EIF5B: variants seen among roughly 807,000 people sequenced by gnomAD.
The protein encoded by EIF5B is eukaryotic translation initiation factor 5B.
A neutral mutation model predicts 147.5 loss-of-function variants in EIF5B; 47 were observed. That is an observed-to-expected ratio of 0.32 (90% CI 0.25 to 0.41). The LOEUF (loss-of-function observed/expected upper bound fraction) is 0.41, where lower values mean the gene tolerates loss of function less well. Ranked by LOEUF, EIF5B falls within the 10% of genes least tolerant of loss-of-function variation. EIF5B has a pLI of 1.00. For synonymous variants in EIF5B, 455 were observed against 456.2 expected, an observed-to-expected ratio of 1.00 and a Z score of 0.03; for missense variants, 1,064 against 1,413.2, an observed-to-expected ratio of 0.75 and a Z score of 3.96.
chr2:99,363,676 T>C lies in EIF5B; in HGVS notation c.951T>C (p.Asp317=). Residue 317 remains aspartate, a synonymous_variant, in exon 5 of 24, where the codon GAT becomes GAC. Coordinates refer to ENST00000289371, the MANE Select transcript of EIF5B (RefSeq NM_015904.4). ...ATGAAGGAGACAAAAAGAAGAAAGA[T>C]AAGAAGAAAAAGAAAGGAGAAAAGG... ...DDNEGDKKKK[D]KKKKKGEKEE... The C allele has an allele frequency of 1.9e-6, 3 of 1,582,610 alleles. No homozygotes were observed. Among genetic ancestry groups the C allele is most frequent in the Middle Eastern group, 1.7e-4 (1 of 5,852 alleles).
In EIF5B at chr2:99,376,428, A is replaced by G. The variant is rs201864125; in HGVS notation, c.1634A>G (p.Glu545Gly). ...GAGGAAGAAGAGGAAGAAGAAGATGAAGAAAGTGAAGAAGAGGAGGAAGAG... is the reference window on the plus strand; with the variant it reads ...GAGGAAGAAGAGGAAGAAGAAGATGGAGAAAGTGAAGAAGAGGAGGAAGAG... Reference protein sequence around the residue: ...EEEEEEEEEDEESEEEEEEEG... With the variant: ...EEEEEEEEEDGESEEEEEEEG... The change falls in exon 10 of 24, where the codon GAA becomes GGA. Residue 545 changes from glutamate (E) to glycine (G), a missense_variant. Transcript: ENST00000289371. The G allele has an allele frequency of 1.9e-3, 2,928 of 1,578,174 alleles. No homozygotes were observed. Among genetic ancestry groups the G allele is most frequent in the Non-Finnish European group, 2.4e-3 (2,776 of 1,149,674 alleles).
rs750690880 is a variant in EIF5B at position 99,342,944 on chromosome 2, TTTTC to T, written c.35+5379_35+5382del. Reference sequence around the variant, plus strand: ...CCACTGTGCCTGGCCTGGGTTGTCTTTTTCTTTCTTTCTTTCTTTCTTTCTTTTT... The same window carrying T: ...CCACTGTGCCTGGCCTGGGTTGTCTTTTTCTTTCTTTCTTTCTTTCTTTTT... On this transcript the variant is annotated intron_variant, in intron 1 of 23. Transcript: ENST00000289371. Among the ~76,000 whole-genome samples, 591 of 151,174 alleles carry T rather than the reference TTTTC, an allele frequency of 3.9e-3. 4 individuals carry two copies. Among genetic ancestry groups the T allele is most frequent in the African/African-American group, 0.012 (489 of 41,230 alleles).
intron 1 of EIF5B, among the ~76,000 whole-genome samples, chr2:99,353,264 C>T (rs1175479611): frequency 2.6e-5 from 4 of 152,068 alleles, no homozygotes; most frequent in Non-Finnish European, 4.4e-5. Context: ...CCGCCAGCCT[C>T]GGCCTCCCAA....
chr2:99,371,809 T>C, intron 9 of EIF5B, 79 bp downstream of exon 9: 2 of 1,327,160 alleles, frequency 1.5e-6, no homozygotes. Context: ...GAATAGTCTT[T>C]TGATTATGAA....
At chr2:99,374,312 A>G (rs1216561347) in intron 9 of EIF5B, among the ~76,000 whole-genome samples, 1 of 143,812 alleles carries the variant, frequency 7.0e-6, no homozygotes, top group East Asian at 2.1e-4. Flanking sequence ...AAAAAAAAAG[A>G]TATAATTTTT....
chr2:99,396,675 G>C (rs1675055811), intron 21 of EIF5B, 85 bp from the exon 22 acceptor site: 2 of 1,487,378 alleles, frequency 1.3e-6, no homozygotes, highest in Non-Finnish European at 1.8e-6. Flanking sequence ...CCTCTAATGG[G>C]AGAAGCCTGA....
Position 99,360,567 on chromosome 2 carries a change from G to A in EIF5B, c.246+18G>A. Reference sequence around the variant, plus strand: ...CAGTGAAGGTGAAAGACAGACCTTTGTTACCTATTCGTATTTCGTATTCTA... The same window carrying A: ...CAGTGAAGGTGAAAGACAGACCTTTATTACCTATTCGTATTTCGTATTCTA... On this transcript the variant is annotated intron_variant, in intron 3 of 23. Transcript: ENST00000289371. 6.2e-7 allele frequency: 1 copy of A among 1,601,884 alleles called. No individual in the cohort carries two copies. Among genetic ancestry groups the A allele is most frequent in the South Asian group, 1.1e-5 (1 of 88,332 alleles).
chr2:99,395,625 G>A (rs1675027756), intron 21 of EIF5B, among the ~76,000 whole-genome samples: 1 of 152,208 alleles, frequency 6.6e-6, no homozygotes, highest in African/African-American at 2.4e-5. Flanking sequence ...GTAAGCCACT[G>A]TGCCTGGTCT....
intron 13 of EIF5B, among the ~76,000 whole-genome samples, 195 bp from the exon 14 acceptor site, chr2:99,382,585 A>C (rs1291902414): frequency 6.6e-6 from 1 of 152,204 alleles, no homozygotes; most frequent in Non-Finnish European, 1.5e-5. Context: ...GTTGGTTCTA[A>C]AACTAGCTCA....
intron 6 of EIF5B, among the ~76,000 whole-genome samples, chr2:99,367,512 C>T (rs1000622842): frequency 2.3e-4 from 35 of 151,784 alleles, no homozygotes; most frequent in African/African-American, 8.2e-4. Context: ...TCTCAGCCCA[C>T]TGCAACCTCT....
chr2:99,371,532 A>G, intron 8 of EIF5B, 124 bp from the exon 9 acceptor site: 1 of 692,026 alleles, frequency 1.4e-6, no homozygotes, highest in East Asian at 2.9e-5. Flanking sequence ...ATAGCTGCAT[A>G]CATATTTTTT....
intron 14 of EIF5B, among the ~76,000 whole-genome samples, chr2:99,384,349 A>G (rs1047468660): frequency 2.6e-5 from 4 of 152,174 alleles, no homozygotes; most frequent in Non-Finnish European, 5.9e-5. Context: ...TGCTTTCAAT[A>G]TATTACTGCT....
chr2:99,381,865 C>T (rs962198443), intron 12 of EIF5B, among the ~76,000 whole-genome samples: 2 of 152,042 alleles, frequency 1.3e-5, no homozygotes, highest in East Asian at 3.9e-4. Context: ...GACTGCCCTG[C>T]GATTCGTATC....
intron 1 of EIF5B, chr2:99,338,355 T>C (rs1181422490): frequency 7.0e-6 from 9 of 1,288,696 alleles, no homozygotes; most frequent in Non-Finnish European, 9.1e-6. Flanking sequence ...TCACATTCGA[T>C]TGAGTTCTGT....
At chr2:99,371,889 T>C (rs1674458836) in intron 9 of EIF5B, among the ~76,000 whole-genome samples, 159 bp downstream of exon 9, 1 of 152,210 alleles carries the variant, frequency 6.6e-6, no homozygotes, top group African/African-American at 2.4e-5. Flanking sequence ...TTCTAAGTCC[T>C]CAAGTGGATC....
intron 1 of EIF5B, among the ~76,000 whole-genome samples, chr2:99,357,945 C>A (rs1393771474): frequency 6.6e-6 from 1 of 152,160 alleles, no homozygotes; most frequent in Non-Finnish European, 1.5e-5. Flanking sequence ...TACATCTTGC[C>A]TGCCACTGGT....
Position 99,337,415 on chromosome 2 carries a change from G to A in EIF5B, c.-140G>A, listed in dbSNP as rs1574913138. ...CACCATATGTGTCCTGTTCCAGTGCGCGGGTCTGTGGAGAGCCGGGTGCGA... is the reference window on the plus strand; with the variant it reads ...CACCATATGTGTCCTGTTCCAGTGCACGGGTCTGTGGAGAGCCGGGTGCGA... On this transcript the variant is annotated 5_prime_UTR_variant, in exon 1 of 24. Transcript: ENST00000289371. 2 of 1,026,632 alleles carry A rather than the reference G, an allele frequency of 1.9e-6. No individual in the cohort carries two copies. The highest frequency in any genetic ancestry group is 3.0e-6 in the Non-Finnish European group (2 of 671,822). 63.6% of individuals were successfully genotyped at this position (1,026,632 alleles called of 1,614,324 possible).
At chr2:99,379,203 C>A (rs1177708737) in intron 11 of EIF5B, 77 bp downstream of exon 11, 2 of 1,411,624 alleles carry the variant, frequency 1.4e-6, no homozygotes, top group Admixed American at 4.5e-5. Flanking sequence ...CTTTAGAGAC[C>A]AATAGGACAT....
chr2:99,377,534 T>G (rs1334375437), intron 10 of EIF5B, among the ~76,000 whole-genome samples: 1 of 151,422 alleles, frequency 6.6e-6, no homozygotes, highest in Non-Finnish European at 1.5e-5. Flanking sequence ...ATGACTGTCT[T>G]TTCCCGTAGC....
Sources: gnomAD v4.1 joint callset for allele counts (sites outside exome capture counted in the v4.1 genomes callset) on GRCh38, gnomAD v4.1.1 for gene constraint, MANE v1.5 for transcripts, NCBI Gene and HGNC (gene_info 2026-07-23, HGNC 2026-07-21) for gene names.